Variants in SV2C observed in about 807,000 individuals in gnomAD.
The protein encoded by SV2C is solute carrier family 22 member B3.
In SV2C, 49 loss-of-function variants were observed where a neutral mutation model predicts 79.7. The ratio of observed to expected loss-of-function variants is 0.61; its 90% CI spans 0.49 to 0.78. The LOEUF is 0.78. SV2C is among the 30% of genes least tolerant of loss of function. The probability of loss-of-function intolerance (pLI) is 0.00; values close to 1 mark genes in which losing one functional copy is unlikely to be tolerated. For missense variants in SV2C, 833 were observed against 912.9 expected (o/e 0.91, Z 1.13); for synonymous variants, 334 against 333.2 (o/e 1.00, Z -0.03).
At chr5:76,046,841 T>G in the SV2C span, among the ~76,000 whole-genome samples, 3 of 152,208 alleles carry the variant, frequency 2.0e-5, no homozygotes, top group Non-Finnish European at 4.4e-5. Flanking sequence ...GCAGTATGAC[T>G]GCCCTTGCTC....
At chr5:75,893,445 G>A in the SV2C span, among the ~76,000 whole-genome samples, 1 of 152,096 alleles carries the variant, frequency 6.6e-6, no homozygotes, top group South Asian at 2.1e-4. Context: ...GTCCTTTGCA[G>A]CAACGTGGAA....
intron 4 of SV2C, among the ~76,000 whole-genome samples, chr5:76,276,540 C>T (rs545487764): frequency 1.8e-4 from 27 of 152,268 alleles, no homozygotes; most frequent in African/African-American, 6.3e-4. Context: ...TTTGTGCAGG[C>T]TGGTCTCGAA....
intron 2 of SV2C, among the ~76,000 whole-genome samples, chr5:76,172,434 C>A (rs1580327375): frequency 1.2e-5 from 1 of 85,200 alleles, no homozygotes; most frequent in African/African-American, 5.1e-5. Flanking sequence ...GGGGGTCAGC[C>A]CCCCCGCCCA....
chr5:75,871,588 T>G, the SV2C span, among the ~76,000 whole-genome samples: 2 of 151,860 alleles, frequency 1.3e-5, no homozygotes, highest in Non-Finnish European at 2.9e-5. Context: ...GGCCGGTGGG[T>G]CACAAGGTCA....
At chr5:75,954,100 A>G in the SV2C span, among the ~76,000 whole-genome samples, 3 of 151,994 alleles carry the variant, frequency 2.0e-5, no homozygotes, top group African/African-American at 7.2e-5. Flanking sequence ...GCACACTGGA[A>G]CATAATAATA....
chr5:76,077,328 C>A, the SV2C span, among the ~76,000 whole-genome samples: 1 of 152,076 alleles, frequency 6.6e-6, no homozygotes, highest in Non-Finnish European at 1.5e-5. Context: ...CATATGGTTT[C>A]TTCATCCATA....
intron 4 of SV2C, among the ~76,000 whole-genome samples, chr5:76,211,035 G>A (rs1376242459): frequency 6.6e-6 from 1 of 152,188 alleles, no homozygotes; most frequent in East Asian, 1.9e-4. Context: ...ATCAGCAGCA[G>A]CATATAAGAC....
the SV2C span, chr5:75,910,419 A>G: frequency 1.7e-6 from 1 of 594,622 alleles, no homozygotes; most frequent in South Asian, 1.4e-5. Flanking sequence ...AGGGTTTCTG[A>G]TACTCTTTTT....
At chr5:76,278,351 G>A (rs1419067730) in intron 4 of SV2C, among the ~76,000 whole-genome samples, 8 of 152,134 alleles carry the variant, frequency 5.3e-5, no homozygotes, top group Admixed American at 5.2e-4. Flanking sequence ...GAGCTGTCAA[G>A]ACAATAAAAC....
At chr5:76,105,248 G>C (rs1001684945) in intron 1 of SV2C, among the ~76,000 whole-genome samples, 1 of 152,148 alleles carries the variant, frequency 6.6e-6, no homozygotes, top group Admixed American at 6.6e-5. Flanking sequence ...TCCAGAGGGA[G>C]CATTGCCCTG....
intron 2 of SV2C, among the ~76,000 whole-genome samples, chr5:76,190,516 A>C (rs1442887119): frequency 6.6e-6 from 1 of 152,206 alleles, no homozygotes; most frequent in Non-Finnish European, 1.5e-5. Context: ...ATCTGATCAG[A>C]TATTGAAGAC....
intron 4 of SV2C, chr5:76,241,972 T>A: frequency 1.1e-6 from 1 of 900,436 alleles, no homozygotes; most frequent in Non-Finnish European, 1.8e-6. Flanking sequence ...AAAAATAGTA[T>A]TTCAAACTGT....
chr5:75,940,255 T>C, the SV2C span, among the ~76,000 whole-genome samples: 4 of 152,012 alleles, frequency 2.6e-5, no homozygotes, highest in African/African-American at 4.8e-5. Flanking sequence ...TCCGGGCTAC[T>C]TGGGAGGCTG....
intron 2 of SV2C, among the ~76,000 whole-genome samples, chr5:76,134,192 C>A (rs1346590827): frequency 6.6e-6 from 1 of 152,170 alleles, no homozygotes; most frequent in African/African-American, 2.4e-5. Context: ...ATATTCTCAT[C>A]TGCCCATAAA....
At chr5:76,291,949 T>C in intron 8 of SV2C, 93 bp downstream of exon 8, 1 of 941,022 alleles carries the variant, frequency 1.1e-6, no homozygotes, top group South Asian at 1.6e-5. Flanking sequence ...TACTGCTTGA[T>C]GCTGTTAACC....
chr5:75,878,116 GT>G, the SV2C span, among the ~76,000 whole-genome samples: 2 of 152,092 alleles, frequency 1.3e-5, no homozygotes, highest in African/African-American at 2.4e-5. Flanking sequence ...TTTGAGAATT[GT>G]TTTTAAAGAA....
chr5:76,300,606 A>T, intron 10 of SV2C, 123 bp from the exon 11 acceptor site: 1 of 955,776 alleles, frequency 1.0e-6, no homozygotes, highest in Non-Finnish European at 1.6e-6. Context: ...AAGCTAGCAT[A>T]GGCCTGAAAG....
intron 12 of SV2C, among the ~76,000 whole-genome samples, chr5:76,305,690 GC>G (rs1468654414): frequency 1.3e-5 from 2 of 152,142 alleles, no homozygotes; most frequent in Non-Finnish European, 2.9e-5. Context: ...TTACTGAATA[GC>G]ACTTTTCTGT....
chr5:76,188,486 G>A (rs1312301934), intron 2 of SV2C, among the ~76,000 whole-genome samples: 1 of 152,128 alleles, frequency 6.6e-6, no homozygotes, highest in African/African-American at 2.4e-5. Context: ...TGTTTTAAGA[G>A]CCCAGGCTCT....
Sources: allele counts gnomAD v4.1 joint callset (sites outside exome capture counted in the v4.1 genomes callset), GRCh38; gene constraint gnomAD v4.1.1; transcripts MANE v1.5; gene names NCBI Gene and HGNC (gene_info 2026-07-23, HGNC 2026-07-21).